The following C19orf12 variants were observed in gnomAD, a reference collection of about 807,000 sequenced individuals.
C19orf12 encodes the protein chromosome 19 open reading frame 12.
C19orf12 carries 2 observed loss-of-function variants against 3.8 expected under a neutral mutation model. The ratio of observed to expected loss-of-function variants is 0.53; its 90% confidence interval spans 0.22 to 1.66. C19orf12 has a LOEUF of 1.66. Among genes scored for constraint, C19orf12 ranks in the 40% most tolerant of loss-of-function variants. The pLI, the probability that C19orf12 is intolerant of heterozygous loss-of-function variation, is 0.20. For synonymous variants in C19orf12, 89 were observed against 84.6 expected (o/e 1.05, Z -0.28); for missense variants, 156 against 188.8 (o/e 0.83, Z 1.02).
rs1204865094 is a variant in C19orf12 at position 29,708,331 on chromosome 19, G to A, written c.83C>T (p.Ser28Phe). ...CCCTGTGACCAGGGCACCCTTCCCA[G>A]AGTGCTTGACAGCCGCCTTCATCTT... ...ERKMKAAVKH[S>F]GKGALVTGAM... Residue 28 changes from serine to phenylalanine, a missense_variant, in exon 2 of 3, where the codon TCT (serine) becomes TTT (phenylalanine). By Grantham distance (155) the Ser-to-Phe change is radical. Transcript: ENST00000323670. 1.2e-6 allele frequency: 2 copies of A among 1,613,958 alleles called. No homozygotes were observed. Among genetic ancestry groups the A allele is most frequent in the Non-Finnish European group, 1.7e-6 (2 of 1,180,040 alleles).
In C19orf12 at chr19:29,699,081, G is replaced by A. The variant is rs1971932282; in HGVS notation, c.*3631C>T. On this transcript the variant is annotated 3_prime_UTR_variant, in exon 3 of 3. Transcript: ENST00000323670. ...ATGCAGCCATTACAAATATTTACAA[G>A]GAATTTTAAATTACATCAAAAATAT... is the stretch of plus-strand genomic sequence containing the variant. 2.2e-6 allele frequency: 1 copy of A among 453,792 alleles called. No homozygotes were observed. Among genetic ancestry groups the A allele is most frequent in the African/African-American group, 2.0e-5 (1 of 50,030 alleles). 28.1% of individuals were successfully genotyped at this position (453,792 alleles called of 1,614,324 possible). A position where few individuals can be genotyped will look rare whatever the true frequency, so the allele number is the denominator to read the frequency against.
At chr19:29,713,935 CCT>C (rs1972811935) in intron 1 of C19orf12, among the ~76,000 whole-genome samples, 1 of 146,800 alleles carries the variant, frequency 6.8e-6, no homozygotes, top group African/African-American at 2.7e-5. Context: ...TCAAAGTATC[CCT>C]CTTTCTTTTT....
intron 1 of C19orf12, 70 bp from the exon 2 acceptor site, chr19:29,708,493 G>C: frequency 6.3e-7 from 1 of 1,585,596 alleles, no homozygotes; most frequent in South Asian, 1.1e-5. Flanking sequence ...TGCCACTCTA[G>C]TTCCTAGAGT....
chr19:29,713,764 T>C (rs1012928019), intron 1 of C19orf12, among the ~76,000 whole-genome samples: 2 of 152,160 alleles, frequency 1.3e-5, no homozygotes, highest in African/African-American at 4.8e-5. Flanking sequence ...CAGATCACAT[T>C]GGACCTGCCA....
At position 29,701,199 on chromosome 19, in the gene C19orf12, A is replaced by C. The variant is rs766904176; in HGVS notation, c.*1513T>G. On this transcript the variant is annotated 3_prime_UTR_variant, in exon 3 of 3. Transcript: ENST00000323670. The stretch of plus-strand genomic sequence containing the variant: ...ACATTTATTGTAATCGATCACATTC[A>C]AGTCGTAGTTCTGAAAGCAAAGTGA... 2 of 454,136 alleles carry C rather than the reference A, an allele frequency of 4.4e-6. No homozygotes were observed. Among genetic ancestry groups the C allele is most frequent in the Admixed American group, 2.3e-5 (1 of 42,580 alleles). The allele number at this position is 454,136 out of a possible 1,614,324, so 28.1% of individuals were successfully genotyped here. A position where few individuals can be genotyped will look rare whatever the true frequency, so the allele number is the denominator to read the frequency against.
rs756084324 is a variant in C19orf12, at chr19:29,702,643, A to T, written c.*69T>A. ...GGGGGCATCCGCTGGGCTTCTCCCA[A>T]CTCCCAAGCCACCTCTTCAGAATCA... On this transcript the variant is annotated 3_prime_UTR_variant, in exon 3 of 3. Coordinates refer to ENST00000323670, the MANE Select transcript of C19orf12 (RefSeq NM_031448.6). 1.2e-6 allele frequency: 2 copies of T among 1,605,238 alleles called. No homozygotes were observed. The highest frequency in any genetic ancestry group is 4.5e-5 in the East Asian group (2 of 44,834).
At chr19:29,705,491 G>A (rs188060050) in intron 2 of C19orf12, 41 of 242,770 alleles carry the variant, frequency 1.7e-4, no homozygotes, top group African/African-American at 8.5e-4. Flanking sequence ...TAATGTATTC[G>A]TTGGTGTTGG....
At chr19:29,715,533 C>T, upstream of C19orf12, 1 of 265,532 alleles carries the variant, frequency 3.8e-6, no homozygotes, top group Non-Finnish European at 8.0e-6. Flanking sequence ...CTCCCACGCG[C>T]ACGCATGATC....
intron 1 of C19orf12, among the ~76,000 whole-genome samples, chr19:29,713,813 G>A (rs138717247): frequency 3.1e-3 from 476 of 152,166 alleles, no homozygotes; most frequent in Non-Finnish European, 5.3e-3. Flanking sequence ...AGCAGGGGCC[G>A]TCCCCTGCCC....
rs1972507589 is a variant in C19orf12, at chr19:29,708,662, C to G, written c.-10-239G>C. The G allele has an allele frequency of 5.2e-6, 3 of 572,048 alleles. No individual in the cohort carries two copies. In the East Asian group the frequency reaches 9.4e-5, roughly 18 times the overall value. 35.4% of individuals were successfully genotyped at this position (572,048 alleles called of 1,614,324 possible). On this transcript the variant is annotated intron_variant, in intron 1 of 2. Coordinates refer to ENST00000323670, the MANE Select transcript of C19orf12 (RefSeq NM_031448.6). ...GAGTGGATGAAAGGTCTTCTTTGCC[C>G]TCTGATTAACTTCTGACTTACGACA...
At chr19:29,703,092 C>T in intron 2 of C19orf12, 115 bp from the exon 3 acceptor site, 8 of 1,424,018 alleles carry the variant, frequency 5.6e-6, no homozygotes, top group Non-Finnish European at 7.9e-6. Context: ...CATGAGCGGG[C>T]TGCAGCGGGC....
At position 29,702,774 on chromosome 19, in the gene C19orf12, G is replaced by A. The variant is rs1221358147; in HGVS notation, c.364C>T (p.Leu122=). The A allele has an allele frequency of 6.2e-7, 1 of 1,613,778 alleles. No individual in the cohort carries two copies. The highest frequency in any genetic ancestry group is 8.5e-7 in the Non-Finnish European group (1 of 1,179,976). ...GTGACGTAGTTCACCAGCATGGCCA[G>A]CAGCTGCTGCTGCAGGGCCTCGCTG... The part of the protein sequence containing the change: ...MGSEALQQQL[L]AMLVNYVTKE... The change falls in exon 3 of 3, where the codon CTG becomes TTG. Residue 122 remains leucine (L), a synonymous_variant. Coordinates refer to ENST00000323670, the MANE Select transcript of C19orf12 (RefSeq NM_031448.6).
intron 1 of C19orf12, chr19:29,708,759 A>G (rs1434907210): frequency 2.6e-6 from 1 of 381,774 alleles, no homozygotes; most frequent in Non-Finnish European, 5.0e-6. Flanking sequence ...TTCTGGCATT[A>G]GTGGCCTTTG....
intron 1 of C19orf12, among the ~76,000 whole-genome samples, chr19:29,712,509 C>A (rs1003821265): frequency 6.6e-6 from 1 of 152,144 alleles, no homozygotes; most frequent in Non-Finnish European, 1.5e-5. Flanking sequence ...TTCTTCCCCC[C>A]CACCACCCAA....
chr19:29,710,557 G>A (rs949742055), intron 1 of C19orf12, among the ~76,000 whole-genome samples: 60 of 152,156 alleles, frequency 3.9e-4, no homozygotes, highest in African/African-American at 1.4e-3. Context: ...TCTGACATTC[G>A]TTACTCAGTC....
intron 1 of C19orf12, among the ~76,000 whole-genome samples, chr19:29,710,195 G>A (rs1380962699): frequency 1.3e-5 from 2 of 152,136 alleles, no homozygotes; most frequent in Non-Finnish European, 2.9e-5. Flanking sequence ...ACCCAAGGAT[G>A]ATCCAGAAGC....
chr19:29,707,886 C>A (rs76409572), intron 2 of C19orf12, among the ~76,000 whole-genome samples: 1 of 92,784 alleles, frequency 1.1e-5, no homozygotes, highest in African/African-American at 4.2e-5. Context: ...TTTTTTTTTT[C>A]TTTGAGATAG....
chr19:29,715,539 T>A (rs980418264), upstream of C19orf12: 1 of 264,842 alleles, frequency 3.8e-6, no homozygotes, highest in African/African-American at 2.3e-5. Flanking sequence ...CGCGCACGCA[T>A]GATCACATCC....
chr19:29,712,374 C>A (rs972741314), intron 1 of C19orf12, among the ~76,000 whole-genome samples: 2 of 151,932 alleles, frequency 1.3e-5, no homozygotes, highest in Non-Finnish European at 2.9e-5. Flanking sequence ...CCACTGCACT[C>A]CAGCCTGGCA....
Sources: gnomAD v4.1 joint callset for allele counts (sites outside exome capture counted in the v4.1 genomes callset) on GRCh38, gnomAD v4.1.1 for gene constraint, MANE v1.5 for transcripts, NCBI Gene and HGNC (gene_info 2026-07-23, HGNC 2026-07-21) for gene names.